MUC7: variants seen among roughly 807,000 people sequenced by gnomAD.
The protein encoded by MUC7 is mucin 7, secreted, also known as mucin-7.
A neutral mutation model predicts 2.5 loss-of-function variants in MUC7; 2 were observed. The ratio of observed to expected loss-of-function variants is 0.81; its 90% CI spans 0.33 to 2.55. The LOEUF (loss-of-function observed/expected upper bound fraction) is 2.55, where lower values mean the gene tolerates loss of function less well. MUC7 is among the 30% of genes most tolerant of loss of function. The pLI is 0.11. For missense variants in MUC7, 408 were observed against 455.6 expected (o/e 0.90, Z 0.95); for synonymous variants, 133 against 173.4 (o/e 0.77, Z 1.83).
rs530690302 is a variant in MUC7 at position 70,433,091 on chromosome 4, A to C, written c.-93+2404A>C. On this transcript the variant is annotated intron_variant, in intron 1 of 3. Transcript: ENST00000413702. ...TCTGTTCTGTTCCATTGGTCTATATATCTGTTTTGGTACCAGTACCATGCT... is the reference window on the plus strand; with the variant it reads ...TCTGTTCTGTTCCATTGGTCTATATCTCTGTTTTGGTACCAGTACCATGCT... Among the ~76,000 whole-genome samples, 10 of 152,052 alleles carry C rather than the reference A, an allele frequency of 6.6e-5. No homozygotes were observed. The East Asian group carries it at 9.7e-4, about 15-fold the overall frequency.
rs751939406 is a variant in MUC7 at position 70,481,159 on chromosome 4, A to G, written c.415A>G (p.Ile139Val). Reference sequence around the variant, plus strand: ...TTTTCTTCCCCAGAATGCCACCACCATATCTTCAAGAGAAAATGTTAACAC... The same window carrying G: ...TTTTCTTCCCCAGAATGCCACCACCGTATCTTCAAGAGAAAATGTTAACAC... ...VTFLPQNATT[I>V]SSRENVNTSS... The change falls in exon 3 of 3, where the codon ATA (isoleucine) becomes GTA (valine). Residue 139 changes from isoleucine (I) to valine (V), a missense_variant. Around this residue, in one of 3 missense-constraint regions of MUC7, gnomAD observed 225 missense variants for 240.5 expected, o/e 0.94. Coordinates refer to ENST00000304887, the MANE Select transcript of MUC7 (RefSeq NM_152291.3). 1.9e-6 allele frequency: 3 copies of G among 1,614,090 alleles called. No individual in the cohort carries two copies. The highest frequency in any genetic ancestry group is 2.2e-5 in the East Asian group (1 of 44,892).
chr4:70,441,885 T>C (rs1236934927), intron 1 of MUC7, among the ~76,000 whole-genome samples: 2 of 152,184 alleles, frequency 1.3e-5, no homozygotes, highest in Non-Finnish European at 2.9e-5. Context: ...TACAATTGAG[T>C]GGTGACCTTT....
chr4:70,437,039 A>T (rs1267058799), intron 1 of MUC7, among the ~76,000 whole-genome samples: 1 of 152,192 alleles, frequency 6.6e-6, no homozygotes, highest in Non-Finnish European at 1.5e-5. Context: ...GCTGCAGAAC[A>T]GCAAATATTG....
intron 1 of MUC7, among the ~76,000 whole-genome samples, chr4:70,447,978 C>T (rs1734187168): frequency 6.6e-6 from 1 of 152,180 alleles, no homozygotes; most frequent in Non-Finnish European, 1.5e-5. Context: ...CTTCTACTCT[C>T]TATGTCCATG....
rs138245516 is a variant in MUC7 at position 70,461,042 on chromosome 4, G to T, written c.-92-11173G>T. Among the ~76,000 whole-genome samples, 184 of 152,278 alleles carry T rather than the reference G, an allele frequency of 1.2e-3. 3 individuals carry two copies. Among genetic ancestry groups the T allele is most frequent in the African/African-American group, 4.1e-3 (171 of 41,560 alleles). ...GCAGTGAGGATGTGGACCACTGAAG[G>T]TCTCTAACTTACCCTTTGCTCTCAA... On this transcript the variant is annotated intron_variant, in intron 1 of 3. Transcript: ENST00000413702.
At chr4:70,440,868 A>G (rs1398236658) in intron 1 of MUC7, among the ~76,000 whole-genome samples, 2 of 152,124 alleles carry the variant, frequency 1.3e-5, no homozygotes, top group Non-Finnish European at 1.5e-5. Context: ...GGAAAAAGAC[A>G]TGCTCCCTCA....
chr4:70,466,581 G>T (rs1176301930), intron 1 of MUC7, among the ~76,000 whole-genome samples: 2 of 147,656 alleles, frequency 1.4e-5, no homozygotes, highest in Admixed American at 6.7e-5. Context: ...CAAGCGAATG[G>T]AAAGCAAAAA....
chr4:70,434,287 A>G (rs1008581938), intron 1 of MUC7, among the ~76,000 whole-genome samples: 1 of 152,166 alleles, frequency 6.6e-6, no homozygotes, highest in Non-Finnish European at 1.5e-5. Flanking sequence ...ATAGTTTCAG[A>G]AAGAATGGTA....
At chr4:70,462,849 G>A (rs1370159528) in intron 1 of MUC7, among the ~76,000 whole-genome samples, 1 of 152,074 alleles carries the variant, frequency 6.6e-6, no homozygotes, top group Non-Finnish European at 1.5e-5. Flanking sequence ...ATACATGCCT[G>A]TAGTCCCAGC....
chr4:70,441,678 G>A (rs1232918584), intron 1 of MUC7, among the ~76,000 whole-genome samples: 1 of 152,186 alleles, frequency 6.6e-6, no homozygotes, highest in African/African-American at 2.4e-5. Flanking sequence ...GCTTTAAGTT[G>A]TAAACTAAAA....
At chr4:70,472,986 C>T (rs139302861) in intron 1 of MUC7, among the ~76,000 whole-genome samples, 1 of 152,280 alleles carries the variant, frequency 6.6e-6, no homozygotes, top group East Asian at 1.9e-4. Flanking sequence ...AGACCACATT[C>T]TTCTCTCACT....
At chr4:70,439,776 A>T (rs1733956148) in intron 1 of MUC7, among the ~76,000 whole-genome samples, 1 of 152,218 alleles carries the variant, frequency 6.6e-6, no homozygotes, top group South Asian at 2.1e-4. Flanking sequence ...AATGAAATGC[A>T]TTTTGTTAAT....
At chr4:70,450,151 G>A (rs923689641) in intron 1 of MUC7, among the ~76,000 whole-genome samples, 1 of 152,192 alleles carries the variant, frequency 6.6e-6, no homozygotes, top group African/African-American at 2.4e-5. Flanking sequence ...AGCAGTGCTG[G>A]CACTCAAGCC....
chr4:70,466,384 G>A (rs1025754930), intron 1 of MUC7, among the ~76,000 whole-genome samples: 14 of 152,120 alleles, frequency 9.2e-5, no homozygotes, highest in Non-Finnish European at 1.6e-4. Context: ...ACATCATAAC[G>A]ACAGGATCAA....
At chr4:70,450,494 C>T (rs1039410002) in intron 1 of MUC7, among the ~76,000 whole-genome samples, 2 of 152,184 alleles carry the variant, frequency 1.3e-5, no homozygotes, top group African/African-American at 4.8e-5. Context: ...TTGCTTTTCC[C>T]TCTGCTTTTC....
intron 1 of MUC7, among the ~76,000 whole-genome samples, chr4:70,463,957 C>T (rs749779341): frequency 3.3e-5 from 5 of 152,102 alleles, no homozygotes; most frequent in Non-Finnish European, 5.9e-5. Flanking sequence ...GATAGTCATC[C>T]GAAAATAGCC....
At chr4:70,474,717 G>GTTTGGTTTCA (rs1734945243) in intron 2 of MUC7, among the ~76,000 whole-genome samples, 1 of 152,114 alleles carries the variant, frequency 6.6e-6, no homozygotes, top group Non-Finnish European at 1.5e-5. Flanking sequence ...TCTTGGTGTG[G>GTTTGGTTTCA]AATATGGTTT....
intron 1 of MUC7, among the ~76,000 whole-genome samples, chr4:70,461,368 G>A (rs897727084): frequency 6.6e-6 from 1 of 152,188 alleles, no homozygotes; most frequent in African/African-American, 2.4e-5. Flanking sequence ...GCTCTTTGAT[G>A]ACAAAGGCCA....
intron 1 of MUC7, among the ~76,000 whole-genome samples, chr4:70,446,595 A>T (rs1408454689): frequency 6.6e-6 from 1 of 152,192 alleles, no homozygotes; most frequent in Non-Finnish European, 1.5e-5. Flanking sequence ...ATATGACCTC[A>T]TCTTAACTTG....
Sources: allele counts gnomAD v4.1 joint callset (sites outside exome capture counted in the v4.1 genomes callset), GRCh38; gene constraint gnomAD v4.1.1; regional missense constraint gnomAD v4.1.1; transcripts MANE v1.5; gene names NCBI Gene and HGNC (gene_info 2026-07-23, HGNC 2026-07-21).